EIF2AK3: variants seen among roughly 807,000 people sequenced by gnomAD.
The protein encoded by EIF2AK3 is eukaryotic translation initiation factor 2 alpha kinase 3, also known as eukaryotic translation initiation factor 2-alpha kinase 3.
A neutral mutation model predicts 113.5 loss-of-function variants in EIF2AK3; 50 were observed. That is an observed-to-expected ratio of 0.44 (90% CI 0.35 to 0.56). The LOEUF (loss-of-function observed/expected upper bound fraction) is 0.56. Ranked by LOEUF, EIF2AK3 falls within the 20% of genes least tolerant of loss-of-function variation. The pLI is 0.00. For missense variants in EIF2AK3, 1,185 were observed against 1,378.0 expected (o/e 0.86, Z 2.22); for synonymous variants, 448 against 495.4 (o/e 0.90, Z 1.27).
In EIF2AK3 at chr2:88,592,059, C is replaced by T. The variant is rs200916689; in HGVS notation, c.768-1007G>A. Among the ~76,000 whole-genome samples, 5 of 152,060 alleles carry T rather than the reference C, an allele frequency of 3.3e-5. No homozygotes were observed. The East Asian group carries it at 9.7e-4, about 29-fold the overall frequency. On this transcript the variant is annotated intron_variant, in intron 4 of 16. Transcript: ENST00000303236. ...ACACTGCATCGGATCAGACAAAACC[C>T]GAAAGTCTGGTTCATTTTCAAAAGA...
intron 2 of EIF2AK3, among the ~76,000 whole-genome samples, chr2:88,606,595 A>C (rs1675285482): frequency 6.6e-6 from 1 of 152,220 alleles, no homozygotes; most frequent in Non-Finnish European, 1.5e-5. Context: ...GCAAATGAAA[A>C]ACTGCAAAAC....
At position 88,571,088 on chromosome 2, in the gene EIF2AK3, C is replaced by T. The variant is rs202189350; in HGVS notation, c.2818-47G>A. 8.4e-5 allele frequency: 134 copies of T among 1,591,478 alleles called. 1 individual carries two copies. The highest frequency in any genetic ancestry group is 1.7e-4 in the Admixed American group (10 of 59,850). On this transcript the variant is annotated intron_variant, in intron 13 of 16. Coordinates refer to ENST00000303236, the MANE Select transcript of EIF2AK3 (RefSeq NM_004836.7). Reference sequence around the variant, plus strand: ...AAAGTACAGTGGGTGTGCATGGAGGCGAAAAAGTAAAGAGAATTATTTAAA... The same window carrying T: ...AAAGTACAGTGGGTGTGCATGGAGGTGAAAAAGTAAAGAGAATTATTTAAA...
chr2:88,613,830 A>G lies in EIF2AK3; in HGVS notation c.332T>C (p.Leu111Ser). 6.2e-7 allele frequency: 1 copy of G among 1,613,310 alleles called. No individual in the cohort carries two copies. The highest frequency in any genetic ancestry group is 8.5e-7 in the Non-Finnish European group (1 of 1,179,206). ...RGRSLVIIST[L>S]DGRIAALDPE... ...ATCCAAGGCAGCAATTCTCCCATCT[A>G]AAGTGCTGATAATTACTAATGACCT... The change falls in exon 2 of 17, where the codon TTA becomes TCA. Residue 111 changes from leucine (L) to serine (S), a missense_variant. By Grantham distance (145) the Leu-to-Ser change is moderately radical (BLOSUM62 -2). Transcript: ENST00000303236.
chr2:88,594,338 G>A (rs1558656424), intron 3 of EIF2AK3, among the ~76,000 whole-genome samples: 1 of 152,132 alleles, frequency 6.6e-6, no homozygotes, highest in Non-Finnish European at 1.5e-5. Flanking sequence ...GACTACAGGC[G>A]TGCGTGCGCC....
chr2:88,606,426 A>G (rs2104458979), intron 2 of EIF2AK3, among the ~76,000 whole-genome samples: 1 of 152,358 alleles, frequency 6.6e-6, no homozygotes, highest in Non-Finnish European at 1.5e-5. Context: ...GATTAATATA[A>G]CAAAATTAAA....
At chr2:88,595,224 A>C (rs983239608) in intron 3 of EIF2AK3, among the ~76,000 whole-genome samples, 1 of 151,228 alleles carries the variant, frequency 6.6e-6, no homozygotes, top group Non-Finnish European at 1.5e-5. Context: ...AAAAAAAAAA[A>C]AAAAACACCT....
chr2:88,574,525 G>C (rs1371791265), intron 13 of EIF2AK3, 141 bp downstream of exon 13: 2 of 1,031,918 alleles, frequency 1.9e-6, no homozygotes, highest in Admixed American at 2.3e-5. Flanking sequence ...AGGCCCCTTC[G>C]AGGCTACTTT....
At chr2:88,626,821 C>T in intron 1 of EIF2AK3, 146 bp downstream of exon 1, 1 of 1,152,888 alleles carries the variant, frequency 8.7e-7, no homozygotes, top group Non-Finnish European at 1.2e-6. Context: ...GCGTCGTGGC[C>T]CCGCGCTCGT....
chr2:88,609,496 A>T (rs1675376852), intron 2 of EIF2AK3, among the ~76,000 whole-genome samples: 1 of 152,244 alleles, frequency 6.6e-6, no homozygotes. Context: ...AATGTTCTTG[A>T]TGAAGCAATA....
In EIF2AK3 at chr2:88,611,479, G is replaced by A. The variant is rs375903894; in HGVS notation, c.438+2245C>T. Among the ~76,000 whole-genome samples the A allele has an allele frequency of 5.3e-5, 8 of 152,000 alleles. 1 individual carries two copies. The East Asian group carries it at 9.7e-4, about 18-fold the overall frequency. Reference sequence around the variant, plus strand: ...AATCTAGTTAATCTATCATGTTATCGCAGCTGTTTCAATACCTTCAGATTT... The same window carrying A: ...AATCTAGTTAATCTATCATGTTATCACAGCTGTTTCAATACCTTCAGATTT... On this transcript the variant is annotated intron_variant, in intron 2 of 16. Transcript: ENST00000303236.
At chr2:88,608,333 A>G in intron 2 of EIF2AK3, among the ~76,000 whole-genome samples, 1 of 151,968 alleles carries the variant, frequency 6.6e-6, no homozygotes, top group East Asian at 1.9e-4. Flanking sequence ...AGCTGGGACG[A>G]CTACTCAGGA....
intron 1 of EIF2AK3, among the ~76,000 whole-genome samples, chr2:88,615,372 A>C (rs1675544892): frequency 6.6e-6 from 1 of 152,246 alleles, no homozygotes; most frequent in Non-Finnish European, 1.5e-5. Context: ...CCCCACCAAA[A>C]AATTCATAAG....
At chr2:88,610,528 C>T (rs1675428909) in intron 2 of EIF2AK3, among the ~76,000 whole-genome samples, 1 of 152,174 alleles carries the variant, frequency 6.6e-6, no homozygotes, top group Admixed American at 6.5e-5. Context: ...TTGTATGTGG[C>T]TGGATTTTCT....
chr2:88,557,791 C>T lies in EIF2AK3; in HGVS notation c.3296G>A (p.Gly1099Glu). ...GTTGGACTGTCTTGAATGTTTTGTT[C>T]CCGATGAACTCAAGGAGCGAGACCT... ...RQRSRSLSSS[G>E]TKHSRQSNNS... The change falls in exon 17 of 17, where the codon GGA (glycine) becomes GAA (glutamate). Residue 1099 changes from glycine to glutamate, a missense_variant. By Grantham distance (98) the Gly-to-Glu change is moderately conservative (BLOSUM62 -2). This residue lies in a region of EIF2AK3 where 877 missense variants were observed against 1,024.2 expected (regional missense o/e 0.86). Transcript: ENST00000303236. 6.2e-7 allele frequency: 1 copy of T among 1,614,102 alleles called. No individual in the cohort carries two copies.
At chr2:88,602,629 T>C (rs1344801813) in intron 2 of EIF2AK3, among the ~76,000 whole-genome samples, 5 of 152,326 alleles carry the variant, frequency 3.3e-5, no homozygotes, top group African/African-American at 1.2e-4. Flanking sequence ...ATTCTTACAA[T>C]ATTTACAAAT....
Position 88,575,102 on chromosome 2 carries a change from G to A in EIF2AK3, c.2381C>T (p.Pro794Leu). 1 of 1,614,164 alleles carries A rather than the reference G, an allele frequency of 6.2e-7. No homozygotes were observed. The highest frequency in any genetic ancestry group is 2.2e-5 in the East Asian group (1 of 44,886). The change falls in exon 13 of 17, where the codon CCT becomes CTT. Residue 794 changes from proline to leucine, a missense_variant. Physicochemically the swap from Pro to Leu is moderately conservative, Grantham distance 98. Coordinates refer to ENST00000303236, the MANE Select transcript of EIF2AK3 (RefSeq NM_004836.7). Reference sequence around the variant, plus strand: ...GGTTCTCTCCCTTGACCTTACATAAGGAGAAGCTTCAGAAGGACAAAGTTC... The same window carrying A: ...GGTTCTCTCCCTTGACCTTACATAAAGAGAAGCTTCAGAAGGACAAAGTTC... ...SFELCPSEAS[P>L]YVRSRERTSS...
intron 2 of EIF2AK3, among the ~76,000 whole-genome samples, chr2:88,609,475 T>G (rs78235046): frequency 0.012 from 1,821 of 152,306 alleles, 39 homozygotes; most frequent in African/African-American, 0.041. Flanking sequence ...ACAGAGACAG[T>G]TCCACTTACA....
intron 1 of EIF2AK3, among the ~76,000 whole-genome samples, chr2:88,616,496 G>A (rs1166005560): frequency 6.6e-6 from 1 of 151,984 alleles, no homozygotes; most frequent in African/African-American, 2.4e-5. Flanking sequence ...GCGCAATCTC[G>A]GCTCACTGCA....
intron 11 of EIF2AK3, among the ~76,000 whole-genome samples, chr2:88,577,755 T>C (rs1674498923): frequency 6.6e-6 from 1 of 152,170 alleles, no homozygotes; most frequent in South Asian, 2.1e-4. Context: ...ACTCTCACCA[T>C]TCTCCATACC....
Sources: gnomAD v4.1 joint callset for allele counts (sites outside exome capture counted in the v4.1 genomes callset) on GRCh38, gnomAD v4.1.1 for gene constraint, gnomAD v4.1.1 regional missense constraint, MANE v1.5 for transcripts, NCBI Gene and HGNC (gene_info 2026-07-23, HGNC 2026-07-21) for gene names.